Variants in ADCY2 observed in about 807,000 individuals in gnomAD.
ADCY2 encodes the protein adenylate cyclase type 2.
Under a neutral mutation model 125.2 loss-of-function variants are expected in ADCY2, and 31 were observed. The ratio of observed to expected loss-of-function variants is 0.25; its 90% CI spans 0.19 to 0.33. ADCY2 has a LOEUF of 0.33. Ranked by LOEUF, ADCY2 falls within the 10% of genes least tolerant of loss-of-function variation. ADCY2 has a pLI of 1.00. For missense variants in ADCY2, 904 were observed against 1,418.2 expected, an observed-to-expected ratio of 0.64 and a Z score of 5.82; for synonymous variants, 512 against 548.4, an observed-to-expected ratio of 0.93 and a Z score of 0.93.
At chr5:7,630,450 C>T (rs1048933921) in intron 4 of ADCY2, among the ~76,000 whole-genome samples, 2 of 152,054 alleles carry the variant, frequency 1.3e-5, no homozygotes, top group Non-Finnish European at 2.9e-5. Context: ...TTTATAATGT[C>T]CTGGGTACTT....
At chr5:7,565,782 G>T (rs754345582) in intron 3 of ADCY2, among the ~76,000 whole-genome samples, 1 of 152,174 alleles carries the variant, frequency 6.6e-6, no homozygotes, top group Non-Finnish European at 1.5e-5. Context: ...GCCATATGCT[G>T]TCTGCTCCCC....
intron 20 of ADCY2, among the ~76,000 whole-genome samples, chr5:7,791,202 G>T (rs1744240214): frequency 6.6e-6 from 1 of 151,980 alleles, no homozygotes; most frequent in Non-Finnish European, 1.5e-5. Context: ...GCATGACTCA[G>T]TTCCCAAGCT....
chr5:7,815,952 C>G (rs1013721825), intron 22 of ADCY2, among the ~76,000 whole-genome samples: 31 of 152,352 alleles, frequency 2.0e-4, no homozygotes, highest in African/African-American at 7.5e-4. Context: ...CCTCTCTTCT[C>G]CCCCTGTCGG....
chr5:7,757,055 C>T (rs921693947), intron 15 of ADCY2, among the ~76,000 whole-genome samples: 7 of 152,136 alleles, frequency 4.6e-5, no homozygotes, highest in South Asian at 2.1e-4. Flanking sequence ...ATGTGTTGAT[C>T]GCTTGCCACA....
In ADCY2 at chr5:7,477,198, G is replaced by GTT. The variant is rs5865716; in HGVS notation, c.409-43533_409-43532dup. On this transcript the variant is annotated intron_variant, in intron 2 of 24. Coordinates refer to ENST00000338316, the MANE Select transcript of ADCY2 (RefSeq NM_020546.3). ...GATCCTTTTGCAGAAAGGACTTGATGTTTTTTTTAAAAGAGACCCCCATTA... is the reference window on the plus strand; with the variant it reads ...GATCCTTTTGCAGAAAGGACTTGATGTTTTTTTTTTAAAAGAGACCCCCATTA... Among the ~76,000 whole-genome samples, 137 of 151,782 alleles carry GTT rather than the reference G, an allele frequency of 9.0e-4. 1 individual carries two copies. Among genetic ancestry groups the GTT allele is most frequent in the African/African-American group, 2.8e-3 (115 of 41,378 alleles).
chr5:7,555,529 G>A (rs1475795364), intron 3 of ADCY2, among the ~76,000 whole-genome samples: 1 of 152,116 alleles, frequency 6.6e-6, no homozygotes, highest in East Asian at 1.9e-4. Flanking sequence ...CTGTTTGTAT[G>A]TTACAGATAT....
intron 3 of ADCY2, among the ~76,000 whole-genome samples, chr5:7,537,100 G>A (rs1360552757): frequency 6.6e-6 from 1 of 152,094 alleles, no homozygotes; most frequent in East Asian, 1.9e-4. Flanking sequence ...TTTTATTCTG[G>A]TTTTAGATTC....
chr5:7,756,846 A>C (rs1214416868), intron 15 of ADCY2, among the ~76,000 whole-genome samples: 1 of 152,244 alleles, frequency 6.6e-6, no homozygotes, highest in Non-Finnish European at 1.5e-5. Context: ...TAACACCGTT[A>C]AAAATTGTTT....
chr5:7,610,232 G>A (rs1737531887), intron 3 of ADCY2, among the ~76,000 whole-genome samples: 1 of 152,188 alleles, frequency 6.6e-6, no homozygotes, highest in Admixed American at 6.5e-5. Context: ...AGAACTTGGG[G>A]GAATTTAAAG....
chr5:7,495,429 G>T (rs764451657), intron 2 of ADCY2, among the ~76,000 whole-genome samples: 9 of 152,214 alleles, frequency 5.9e-5, no homozygotes, highest in Non-Finnish European at 1.3e-4. Context: ...GGAAATTAAT[G>T]CTATAAGCAT....
chr5:7,499,085 G>GT (rs1743450343), intron 2 of ADCY2, among the ~76,000 whole-genome samples: 1 of 152,196 alleles, frequency 6.6e-6, no homozygotes, highest in African/African-American at 2.4e-5. Flanking sequence ...TCAGCTCACT[G>GT]TAACCTCTGC....
intron 2 of ADCY2, among the ~76,000 whole-genome samples, chr5:7,419,691 C>T (rs1006329528): frequency 6.6e-6 from 1 of 152,152 alleles, no homozygotes; most frequent in Non-Finnish European, 1.5e-5. Context: ...ACACTCTTCT[C>T]GGGCAGGACA....
intron 3 of ADCY2, among the ~76,000 whole-genome samples, chr5:7,532,749 G>A (rs1284530286): frequency 6.6e-6 from 1 of 151,956 alleles, no homozygotes; most frequent in African/African-American, 2.4e-5. Flanking sequence ...CTCTCCTTTT[G>A]TAATGTGGGA....
At chr5:7,587,494 A>G (rs1314036458) in intron 3 of ADCY2, among the ~76,000 whole-genome samples, 1 of 152,214 alleles carries the variant, frequency 6.6e-6, no homozygotes, top group African/African-American at 2.4e-5. Flanking sequence ...AAAAATTAAA[A>G]CAGTCTTCGT....
At chr5:7,540,632 A>C (rs1734965649) in intron 3 of ADCY2, among the ~76,000 whole-genome samples, 1 of 152,230 alleles carries the variant, frequency 6.6e-6, no homozygotes, top group Non-Finnish European at 1.5e-5. Context: ...ATTTCCCCAA[A>C]GAGTCTCCAA....
intron 2 of ADCY2, among the ~76,000 whole-genome samples, chr5:7,445,071 G>A (rs1054755781): frequency 6.6e-6 from 1 of 152,098 alleles, no homozygotes; most frequent in Non-Finnish European, 1.5e-5. Context: ...GTGATGTTTT[G>A]CATACAGAAG....
At chr5:7,399,871 T>G (rs552697286) in intron 1 of ADCY2, among the ~76,000 whole-genome samples, 2 of 152,370 alleles carry the variant, frequency 1.3e-5, no homozygotes, top group South Asian at 4.1e-4. Context: ...AACTTAGAGC[T>G]AATGAAATGA....
In ADCY2 at chr5:7,709,567, A is replaced by G. The variant is rs1052974011; in HGVS notation, c.1578+180A>G. On this transcript the variant is annotated intron_variant, in intron 10 of 24. Transcript: ENST00000338316. The surrounding 1 kb of genome is among the most constrained non-coding windows in gnomAD (Gnocchi z 4.4). ...GGGTATGAGTGAGCTCCATGCTGACATTGCTAAGGGTTCCACCCTAGCGTG... is the reference window on the plus strand; with the variant it reads ...GGGTATGAGTGAGCTCCATGCTGACGTTGCTAAGGGTTCCACCCTAGCGTG... Among the ~76,000 whole-genome samples the G allele has an allele frequency of 2.0e-5, 3 of 152,230 alleles. No homozygotes were observed. The highest frequency in any genetic ancestry group is 2.9e-5 in the Non-Finnish European group (2 of 68,032).
chr5:7,677,385 CA>C (rs1740167086), intron 4 of ADCY2, among the ~76,000 whole-genome samples: 1 of 152,184 alleles, frequency 6.6e-6, no homozygotes, highest in Non-Finnish European at 1.5e-5. Context: ...CAAGCTGTGG[CA>C]GATGGAAAAC....
Sources: allele counts gnomAD v4.1 joint callset (sites outside exome capture counted in the v4.1 genomes callset), GRCh38; gene constraint gnomAD v4.1.1; non-coding constraint Gnocchi (gnomAD v3.1); transcripts MANE v1.5; gene names NCBI Gene and HGNC (gene_info 2026-07-23, HGNC 2026-07-21).